Variants in DST observed in about 807,000 individuals in gnomAD.
DST encodes bullous pemphigoid antigen.
A neutral mutation model predicts 875.2 loss-of-function variants in DST; 253 were observed. The ratio of observed to expected loss-of-function variants is 0.29; its 90% CI spans 0.26 to 0.32. DST has a LOEUF of 0.32. Among genes scored for constraint, DST ranks in the 10% least tolerant of loss-of-function variants. The pLI, the probability that DST is intolerant of heterozygous loss-of-function variation, is 1.00. For missense variants in DST, 8,287 were observed against 9,111.6 expected (o/e 0.91, Z 3.68); for synonymous variants, 3,124 against 3,197.1 (o/e 0.98, Z 0.77).
chr6:56,626,072 G>C (rs184646042), intron 34 of DST, among the ~76,000 whole-genome samples: 3 of 151,698 alleles, frequency 2.0e-5, no homozygotes, highest in Admixed American at 6.6e-5. Context: ...CAATGTGTTC[G>C]TTGTTTTAAG....
At chr6:56,828,492 T>C (rs1451287847) in intron 4 of DST, among the ~76,000 whole-genome samples, 2 of 152,248 alleles carry the variant, frequency 1.3e-5, no homozygotes, top group African/African-American at 2.4e-5. Context: ...TACTTCTGTC[T>C]TTGCTATTGC....
Position 56,501,711 on chromosome 6 carries a change from T to A in DST, c.19567-18A>T, listed in dbSNP as rs762038263. 6.5e-7 allele frequency: 1 copy of A among 1,537,114 alleles called. No homozygotes were observed. Among genetic ancestry groups the A allele is most frequent in the Non-Finnish European group, 8.8e-7 (1 of 1,142,028 alleles). ...TTAAATTGCTATTTTAAAAGAGATA[T>A]ACAAAGAAAATATTGTTAAAAATCA... On this transcript the variant is annotated intron_variant, in intron 78 of 103. Coordinates refer to ENST00000680361, the MANE Select transcript of DST (RefSeq NM_001374736.1).
At chr6:56,496,407 GTGTC>G (rs1271240658) in intron 82 of DST, among the ~76,000 whole-genome samples, 1 of 151,858 alleles carries the variant, frequency 6.6e-6, no homozygotes, top group African/African-American at 2.4e-5. Flanking sequence ...CCTCCTCTTT[GTGTC>G]TGTATTTGGT....
chr6:56,627,523 C>T (rs188677605), intron 33 of DST, among the ~76,000 whole-genome samples: 13 of 152,270 alleles, frequency 8.5e-5, no homozygotes, highest in Admixed American at 8.5e-4. Context: ...AGGAATTATC[C>T]AAAAGCAGAC....
chr6:56,739,147 C>T (rs1287685589), intron 4 of DST, among the ~76,000 whole-genome samples: 9 of 148,686 alleles, frequency 6.1e-5, no homozygotes, highest in Non-Finnish European at 4.4e-5. Context: ...TGCCTCTATG[C>T]GCTCAACAGA....
chr6:56,555,130 G>T (rs1186376137), intron 60 of DST, among the ~76,000 whole-genome samples: 3 of 152,078 alleles, frequency 2.0e-5, no homozygotes, highest in Admixed American at 6.5e-5. Flanking sequence ...AGCCAATTTT[G>T]CCAACAGATT....
chr6:56,829,883 C>G (rs1191971011), intron 4 of DST, among the ~76,000 whole-genome samples: 3 of 152,060 alleles, frequency 2.0e-5, no homozygotes, highest in Non-Finnish European at 4.4e-5. Flanking sequence ...TATAAGCCAT[C>G]CAAAACTAGC....
At chr6:56,632,347 C>CA (rs1395231962) in intron 28 of DST, among the ~76,000 whole-genome samples, 18 of 151,808 alleles carry the variant, frequency 1.2e-4, no homozygotes, top group African/African-American at 4.4e-4. Flanking sequence ...AAATTAATTA[C>CA]AAAAATCAAA....
At chr6:56,895,025 G>A (rs1300377685) in intron 3 of DST, among the ~76,000 whole-genome samples, 1 of 111,950 alleles carries the variant, frequency 8.9e-6, no homozygotes, top group Non-Finnish European at 1.8e-5. Context: ...CTGGCCGGGC[G>A]GGGGGTTGAC....
chr6:56,570,641 T>C (rs192342402), intron 53 of DST, among the ~76,000 whole-genome samples: 2 of 152,150 alleles, frequency 1.3e-5, no homozygotes, highest in Non-Finnish European at 2.9e-5. Flanking sequence ...CAGTTCATAA[T>C]AGGCCATAGA....
intron 5 of DST, among the ~76,000 whole-genome samples, chr6:56,721,684 A>T (rs1388679531): frequency 1.3e-5 from 2 of 152,254 alleles, no homozygotes; most frequent in African/African-American, 4.8e-5. Flanking sequence ...TGTTAAATAA[A>T]TCAAAGAGGA....
intron 93 of DST, among the ~76,000 whole-genome samples, chr6:56,473,668 C>T (rs746882543): frequency 1.3e-4 from 20 of 152,234 alleles, no homozygotes; most frequent in East Asian, 5.8e-4. Context: ...AATAAAGTTA[C>T]GTATAGAAAC....
intron 37 of DST, among the ~76,000 whole-genome samples, chr6:56,613,374 C>G (rs1298488155): frequency 1.3e-5 from 2 of 152,068 alleles, no homozygotes; most frequent in Non-Finnish European, 2.9e-5. Context: ...AAGAAAGAAC[C>G]TCAAATAAGG....
intron 36 of DST, chr6:56,616,157 C>A: frequency 6.2e-7 from 1 of 1,614,174 alleles, no homozygotes; most frequent in African/African-American, 1.3e-5. Context: ...GGGGACTAAC[C>A]GGCTCAGCAA....
rs777534699 is a variant in DST, at chr6:56,463,624, C to T, written c.22900G>A (p.Val7634Met). The change falls in exon 101 of 104, where the codon GTG (valine) becomes ATG (methionine). Residue 7634 changes from valine (V) to methionine (M), a missense_variant. Physicochemically the swap from Val to Met is conservative, Grantham distance 21. Coordinates refer to ENST00000680361, the MANE Select transcript of DST (RefSeq NM_001374736.1). ...GCCGCCTGCGCAGCCTGACTGGACA[C>T]AGAAGTGGATCTGTTGGGTGAAGCG... ...RGASPNRSTS[V>M]SSQAAQAASP... 3.7e-6 allele frequency: 6 copies of T among 1,612,946 alleles called. No homozygotes were observed. The Admixed American group carries it at 8.3e-5, about 22-fold the overall frequency.
intron 4 of DST, among the ~76,000 whole-genome samples, chr6:56,812,935 G>A (rs1323185071): frequency 4.0e-5 from 6 of 151,612 alleles, no homozygotes; most frequent in African/African-American, 7.3e-5. Flanking sequence ...ACATGCACAC[G>A]TATGTTTATT....
chr6:56,496,626 T>G (rs1162029104), intron 82 of DST, among the ~76,000 whole-genome samples: 1 of 152,130 alleles, frequency 6.6e-6, no homozygotes, highest in Non-Finnish European at 1.5e-5. Flanking sequence ...TAATTTACAC[T>G]GTGTTATATT....
chr6:56,867,072 A>G (rs1180403023), intron 3 of DST, among the ~76,000 whole-genome samples: 2 of 152,240 alleles, frequency 1.3e-5, no homozygotes, highest in Non-Finnish European at 2.9e-5. Flanking sequence ...ACCATAAATC[A>G]GAAATGGGAT....
intron 4 of DST, chr6:56,843,197 C>A: frequency 6.8e-7 from 1 of 1,475,048 alleles, no homozygotes; most frequent in South Asian, 1.5e-5. Flanking sequence ...CCCCTCGTAA[C>A]CCCCGGACAG....
Sources: allele counts gnomAD v4.1 joint callset (sites outside exome capture counted in the v4.1 genomes callset), GRCh38; gene constraint gnomAD v4.1.1; transcripts MANE v1.5; gene names NCBI Gene and HGNC (gene_info 2026-07-23, HGNC 2026-07-21).